Variants in DNM3 observed in about 807,000 individuals in gnomAD.
DNM3 encodes the protein dynamin-3.
A neutral mutation model predicts 101.6 loss-of-function variants in DNM3; 47 were observed. The ratio of observed to expected loss-of-function variants is 0.46; its 90% CI spans 0.37 to 0.59. The LOEUF (loss-of-function observed/expected upper bound fraction) is 0.59, where lower values mean the gene tolerates loss of function less well. DNM3 is among the 20% of genes least tolerant of loss of function. The probability of loss-of-function intolerance (pLI) is 0.00; values close to 1 mark genes in which losing one functional copy is unlikely to be tolerated. For synonymous variants in DNM3, 385 were observed against 387.9 expected (o/e 0.99, Z 0.09); for missense variants, 849 against 1,085.7 (o/e 0.78, Z 3.06).
intron 16 of DNM3, among the ~76,000 whole-genome samples, chr1:172,318,235 C>T (rs1449930861): frequency 6.6e-6 from 1 of 152,094 alleles, no homozygotes; most frequent in Non-Finnish European, 1.5e-5. Context: ...TGGGACGTAT[C>T]TCAAAATAAT....
Position 171,906,078 on chromosome 1 carries a change from A to G in DNM3, c.162-15670A>G, listed in dbSNP as rs1017353484. On this transcript the variant is annotated intron_variant, in intron 1 of 20. Coordinates refer to ENST00000627582, the MANE Select transcript of DNM3 (RefSeq NM_015569.5). ...AAAGGTTTGCTGAAGAAATGAATGAAATGGCTTGTCAAGTATTAGTAAGAT... is the reference window on the plus strand; with the variant it reads ...AAAGGTTTGCTGAAGAAATGAATGAGATGGCTTGTCAAGTATTAGTAAGAT... Among the ~76,000 whole-genome samples, 9 of 151,880 alleles carry G rather than the reference A, an allele frequency of 5.9e-5. 1 individual carries two copies. Among genetic ancestry groups the G allele is most frequent in the Non-Finnish European group, 1.2e-4 (8 of 67,992 alleles).
rs545069164 is a variant in DNM3 at position 172,039,516 on chromosome 1, G to A, written c.992+1055G>A. Among the ~76,000 whole-genome samples, 98 of 150,960 alleles carry A rather than the reference G, an allele frequency of 6.5e-4. 1 individual carries two copies. Among genetic ancestry groups the A allele is most frequent in the Non-Finnish European group, 1.0e-3 (70 of 67,794 alleles). On this transcript the variant is annotated intron_variant, in intron 7 of 20. Coordinates refer to ENST00000627582, the MANE Select transcript of DNM3 (RefSeq NM_015569.5). ...ATTTATTCTTTCTTTTCGTTCTTGG[G>A]TTTTGTTGAGCTCTTGCAAAAACTC...
intron 14 of DNM3, among the ~76,000 whole-genome samples, chr1:172,241,985 G>A (rs1283956902): frequency 6.6e-6 from 1 of 152,136 alleles, no homozygotes; most frequent in Non-Finnish European, 1.5e-5. Context: ...CTCCAGTTAA[G>A]AGCCTTGACT....
At chr1:172,252,598 C>A (rs1037709167) in intron 14 of DNM3, among the ~76,000 whole-genome samples, 1 of 152,120 alleles carries the variant, frequency 6.6e-6, no homozygotes, top group Non-Finnish European at 1.5e-5. Flanking sequence ...AGAGATGTAA[C>A]CTGGGACCAT....
chr1:172,225,848 A>G (rs2061097884), intron 14 of DNM3, among the ~76,000 whole-genome samples: 1 of 151,558 alleles, frequency 6.6e-6, no homozygotes, highest in Non-Finnish European at 1.5e-5. Context: ...TGAATTATAT[A>G]TATGATATAT....
At chr1:171,978,862 A>G (rs1199672868) in intron 2 of DNM3, among the ~76,000 whole-genome samples, 3 of 152,222 alleles carry the variant, frequency 2.0e-5, no homozygotes, top group Non-Finnish European at 2.9e-5. Flanking sequence ...TGAGATATCT[A>G]TTAGACATCT....
intron 1 of DNM3, among the ~76,000 whole-genome samples, chr1:171,846,760 A>T (rs981473515): frequency 2.0e-5 from 3 of 152,200 alleles, no homozygotes; most frequent in African/African-American, 7.2e-5. Context: ...TTTGCATTGC[A>T]GTTTCTCACA....
rs993258802 is a variant in DNM3, at chr1:171,871,213, C to G, written c.161+29396C>G. 7.9e-5 allele frequency among the ~76,000 whole-genome samples: 12 copies of G among 152,258 alleles called. No individual in the cohort carries two copies. In the East Asian group the frequency reaches 2.1e-3, roughly 27 times the overall value. ...ATGTATGTGCTCACCACTCTATACT[C>G]AACGCCCAGAGCCCCAGGATACAGA... On this transcript the variant is annotated intron_variant, in intron 1 of 20. Transcript: ENST00000627582.
At chr1:172,328,043 A>C (rs942324706) in intron 17 of DNM3, among the ~76,000 whole-genome samples, 1 of 152,174 alleles carries the variant, frequency 6.6e-6, no homozygotes. Context: ...TTATGTTCCC[A>C]AATTTATTGA....
intron 2 of DNM3, among the ~76,000 whole-genome samples, chr1:171,927,126 G>A (rs891803696): frequency 3.3e-5 from 5 of 152,206 alleles, no homozygotes; most frequent in African/African-American, 1.2e-4. Flanking sequence ...TGAAGATGAT[G>A]TGATCACATG....
intron 15 of DNM3, among the ~76,000 whole-genome samples, chr1:172,260,561 G>A (rs1363295188): frequency 6.6e-6 from 1 of 151,836 alleles, no homozygotes; most frequent in East Asian, 1.9e-4. Context: ...CAAAAGATCT[G>A]TATTCAAGTT....
chr1:172,194,142 T>A (rs1287557233), intron 14 of DNM3, among the ~76,000 whole-genome samples: 1 of 152,170 alleles, frequency 6.6e-6, no homozygotes, highest in Non-Finnish European at 1.5e-5. Context: ...CAGGAGCAGG[T>A]TGTTCAGTTT....
At position 172,407,810 on chromosome 1, in the gene DNM3, T is replaced by G; in HGVS notation, c.2561T>G (p.Ile854Ser). The change falls in exon 21 of 21, where the codon ATC (isoleucine) becomes AGC (serine). Residue 854 changes from isoleucine (I) to serine (S), a missense_variant. By Grantham distance (142) the Ile-to-Ser change is moderately radical. Around this residue, in one of 5 missense-constraint regions of DNM3, gnomAD observed 256 missense variants for 311.7 expected, o/e 0.82. Coordinates refer to ENST00000627582, the MANE Select transcript of DNM3 (RefSeq NM_015569.5). The stretch of plus-strand genomic sequence containing the variant: ...CCATCACCAACTCGTCCCACTATAA[T>G]CCGCCCACTAGAATCCTCCCTGTTA... ...PPPSPTRPTI[I>S]RPLESSLLD is the part of the protein sequence containing the mutation. The G allele has an allele frequency of 6.2e-7, 1 of 1,613,282 alleles. No homozygotes were observed. Among genetic ancestry groups the G allele is most frequent in the Non-Finnish European group, 8.5e-7 (1 of 1,179,362 alleles).
rs1212379366 is a variant in DNM3 at position 172,077,141 on chromosome 1, T to C, written c.1423-4691T>C. Among the ~76,000 whole-genome samples the C allele has an allele frequency of 2.6e-5, 4 of 152,360 alleles. No homozygotes were observed. In the East Asian group the frequency reaches 5.8e-4, roughly 22 times the overall value. Reference sequence around the variant, plus strand: ...GTATTCTCTGATGGCAGTTTGTATTTCTTTGCCGTCAAAGGTGATATCCCC... The same window carrying C: ...GTATTCTCTGATGGCAGTTTGTATTCCTTTGCCGTCAAAGGTGATATCCCC... On this transcript the variant is annotated intron_variant, in intron 11 of 20. Coordinates refer to ENST00000627582, the MANE Select transcript of DNM3 (RefSeq NM_015569.5).
intron 11 of DNM3, among the ~76,000 whole-genome samples, chr1:172,078,645 G>T (rs2052878908): frequency 6.6e-6 from 1 of 152,148 alleles, no homozygotes; most frequent in Admixed American, 6.5e-5. Flanking sequence ...ATTGTTATGT[G>T]TGAATTTGAT....
At chr1:172,113,654 A>T (rs2055674994) in intron 13 of DNM3, among the ~76,000 whole-genome samples, 1 of 149,348 alleles carries the variant, frequency 6.7e-6, no homozygotes, top group Non-Finnish European at 1.5e-5. Context: ...ACAACTCAGG[A>T]AGTCCATGTT....
intron 15 of DNM3, among the ~76,000 whole-genome samples, chr1:172,304,218 A>AAAAAAAAAAAAAAAAAAAAAAAAAAC (rs1182798546): frequency 2.2e-5 from 3 of 135,094 alleles, no homozygotes; most frequent in African/African-American, 1.0e-4. Flanking sequence ...AAAAAAAAAA[A>AAAAAAAAAAAAAAAAAAAAAAAAAAC]AAAACAGGAG....
chr1:171,865,371 G>T (rs1341708774), intron 1 of DNM3, among the ~76,000 whole-genome samples: 3 of 151,842 alleles, frequency 2.0e-5, no homozygotes, highest in African/African-American at 7.3e-5. Context: ...ACAAGAATTA[G>T]CCAGGTATAG....
intron 13 of DNM3, among the ~76,000 whole-genome samples, chr1:172,121,675 G>C (rs538528849): frequency 6.6e-6 from 1 of 152,302 alleles, no homozygotes; most frequent in South Asian, 2.1e-4. Context: ...CAGTAACTTG[G>C]AGTTCTGTTT....
Sources: allele counts gnomAD v4.1 joint callset (sites outside exome capture counted in the v4.1 genomes callset), GRCh38; gene constraint gnomAD v4.1.1; regional missense constraint gnomAD v4.1.1; transcripts MANE v1.5; gene names NCBI Gene and HGNC (gene_info 2026-07-23, HGNC 2026-07-21).